The following ZNF682 variants were observed in gnomAD, a reference collection of about 807,000 sequenced individuals.
ZNF682 encodes zinc finger protein 682.
A neutral mutation model predicts 36.5 loss-of-function variants in ZNF682; 29 were observed. That is an observed-to-expected ratio of 0.80 (90% CI 0.59 to 1.08). The LOEUF is 1.08. ZNF682 is among the 50% of genes least tolerant of loss of function. The pLI is 0.00. For missense variants in ZNF682, 561 were observed against 579.7 expected (o/e 0.97, Z 0.33); for synonymous variants, 180 against 197.0 (o/e 0.91, Z 0.72).
chr19:19,995,560 C>G (rs2088124723), downstream of ZNF682, among the ~76,000 whole-genome samples: 1 of 152,148 alleles, frequency 6.6e-6, no homozygotes, highest in Admixed American at 6.5e-5. Context: ...TTCTCTGAAA[C>G]AGCGCGGGAT....
rs1191419639 is a variant in ZNF682 at position 20,006,425 on chromosome 19, A to T, written c.1077T>A (p.His359Gln). The T allele has an allele frequency of 6.2e-7, 1 of 1,613,740 alleles. No homozygotes were observed. The highest frequency in any genetic ancestry group is 8.5e-7 in the Non-Finnish European group (1 of 1,179,936). ...GTTTCTCTCCGCTATGAATTACCTT[A>T]TGTTCAGTAAGAATTGATGATGAGT... ...AFNSSSILTE[H>Q]KVIHSGEKPY... is the part of the protein sequence containing the mutation. The change falls in exon 4 of 4, where the codon CAT becomes CAA. Residue 359 changes from histidine to glutamine, a missense_variant. Coordinates refer to ENST00000397165, the MANE Select transcript of ZNF682 (RefSeq NM_033196.3).
At chr19:19,997,447 C>T (rs557669727) in intron 3 of ZNF682, among the ~76,000 whole-genome samples, 1 of 152,228 alleles carries the variant, frequency 6.6e-6, no homozygotes, top group South Asian at 2.1e-4. Context: ...TCTGAGACTG[C>T]AAAAATGCTT....
intron 3 of ZNF682, among the ~76,000 whole-genome samples, chr19:20,010,629 C>G (rs1347851395): frequency 2.0e-5 from 3 of 151,482 alleles, no homozygotes; most frequent in Non-Finnish European, 4.4e-5. Context: ...TGCACTCCAG[C>G]CCGGGTGACA....
intron 1 of ZNF682, among the ~76,000 whole-genome samples, chr19:20,029,314 G>GA (rs755136535): frequency 5.7e-4 from 86 of 150,864 alleles, no homozygotes; most frequent in Non-Finnish European, 8.7e-4. Flanking sequence ...TAAATGCATG[G>GA]AATAGGCCAG....
In ZNF682 at chr19:20,023,071, A is replaced by G; in HGVS notation, c.159T>C (p.Ile53=). 6.2e-7 allele frequency: 1 copy of G among 1,614,072 alleles called. No homozygotes were observed. The highest frequency in any genetic ancestry group is 8.5e-7 in the Non-Finnish European group (1 of 1,179,950). ...LGLTVSKPEL[I]SRLEQRQEPW... Reference sequence around the variant, plus strand: ...GCTCCTGTCTTTGCTCCAGACGGCTAATCAGTTCTGGCTTAGAAACAGTAA... The same window carrying G: ...GCTCCTGTCTTTGCTCCAGACGGCTGATCAGTTCTGGCTTAGAAACAGTAA... The change falls in exon 3 of 4, where the codon ATT becomes ATC. Residue 53 remains isoleucine (I), a synonymous_variant. Transcript: ENST00000397165.
At chr19:19,998,143 A>G (rs976583167) in intron 3 of ZNF682, among the ~76,000 whole-genome samples, 3 of 152,368 alleles carry the variant, frequency 2.0e-5, no homozygotes, top group African/African-American at 7.2e-5. Context: ...GACCAGTCTG[A>G]GGACAGGTGA....
rs1410537137 is a variant in ZNF682 at position 20,006,057 on chromosome 19, T to C, written c.1445A>G (p.Lys482Arg). 6.2e-7 allele frequency: 1 copy of C among 1,609,704 alleles called. No homozygotes were observed. Among genetic ancestry groups the C allele is most frequent in the East Asian group, 2.2e-5 (1 of 44,768 alleles). Residue 482 changes from lysine to arginine, a missense_variant, in exon 4 of 4, where the codon AAG becomes AGG. Physicochemically the swap from Lys to Arg is conservative, Grantham distance 26. Coordinates refer to ENST00000397165, the MANE Select transcript of ZNF682 (RefSeq NM_033196.3). The part of the protein sequence containing the change: ...KRVQRGEKSC[K>R]YKKCGEAFNH... ...AAAAGCTTCCCCACATTTTTTATAC[T>C]TGCAGGATTTCTCTCCTCTTTGAAC...
chr19:20,014,326 A>C (rs1318179478), intron 3 of ZNF682, among the ~76,000 whole-genome samples: 1 of 152,236 alleles, frequency 6.6e-6, no homozygotes, highest in East Asian at 1.9e-4. Flanking sequence ...TCTTTCATGT[A>C]TATGGTCAAA....
intron 3 of ZNF682, among the ~76,000 whole-genome samples, chr19:20,013,596 T>C (rs2088309054): frequency 6.6e-6 from 1 of 152,266 alleles, no homozygotes; most frequent in Admixed American, 6.5e-5. Flanking sequence ...TTTTTTAATT[T>C]TGAGACTGAG....
At chr19:20,019,105 G>A (rs1568542430) in intron 3 of ZNF682, among the ~76,000 whole-genome samples, 1 of 152,058 alleles carries the variant, frequency 6.6e-6, no homozygotes, top group African/African-American at 2.4e-5. Flanking sequence ...ACATCTCTCC[G>A]AAGAAGTTAC....
At chr19:20,032,549 C>T (rs1203870842) in intron 1 of ZNF682, among the ~76,000 whole-genome samples, 1 of 152,138 alleles carries the variant, frequency 6.6e-6, no homozygotes, top group Non-Finnish European at 1.5e-5. Context: ...GAAAGACCCT[C>T]TAGGGTGAAG....
rs772386581 is a variant in ZNF682 at position 20,006,009 on chromosome 19, G to A, written c.1493C>T (p.Thr498Met). 39 of 1,570,652 alleles carry A rather than the reference G, an allele frequency of 2.5e-5. No individual in the cohort carries two copies. Among genetic ancestry groups the A allele is most frequent in the Non-Finnish European group, 3.2e-5 (37 of 1,158,930 alleles). The change falls in exon 4 of 4, where the codon ACG (threonine) becomes ATG (methionine). Residue 498 changes from threonine (T) to methionine (M), a missense_variant. Thr to Met is a moderately conservative substitution (Grantham distance 81). Transcript: ENST00000397165. Reference protein sequence around the residue: ...EAFNHCSNLTT With the variant: ...EAFNHCSNLTM ...ATTTCTCTTTAGTAAAAATTCTTAC[G>A]TAGTAAGGTTTGAGCAGTGATTAAA...
chr19:20,029,623 A>C (rs1267935319), intron 1 of ZNF682, among the ~76,000 whole-genome samples: 2 of 151,850 alleles, frequency 1.3e-5, no homozygotes, highest in Non-Finnish European at 2.9e-5. Context: ...AAAATTAAAA[A>C]AAATAAAAAA....
chr19:19,997,340 TA>T (rs1268739321), intron 3 of ZNF682: 1 of 398,260 alleles, frequency 2.5e-6, no homozygotes, highest in Non-Finnish European at 4.4e-6. Context: ...TCATACCTCA[TA>T]AATAAGAGTA....
chr19:20,039,189 G>C (rs967829727), intron 1 of ZNF682, 154 bp downstream of exon 1: 33 of 1,418,116 alleles, frequency 2.3e-5, no homozygotes, highest in Non-Finnish European at 3.1e-5. Context: ...TCCTGTGCCC[G>C]GAGGTGATCG....
chr19:20,018,078 C>CTTTTTTTTTT (rs71172554), intron 3 of ZNF682, among the ~76,000 whole-genome samples: 7 of 58,678 alleles, frequency 1.2e-4, no homozygotes, highest in African/African-American at 2.2e-4. Context: ...TTCTCAAATT[C>CTTTTTTTTTT]TTTTTTTTTT....
At chr19:20,025,405 C>T (rs1020358203) in intron 1 of ZNF682, among the ~76,000 whole-genome samples, 5 of 152,164 alleles carry the variant, frequency 3.3e-5, no homozygotes, top group Non-Finnish European at 4.4e-5. Flanking sequence ...GGGCCAGGCG[C>T]GGTGGCTCAC....
At chr19:19,995,474 A>T (rs1407850247), downstream of ZNF682, among the ~76,000 whole-genome samples, 1 of 152,222 alleles carries the variant, frequency 6.6e-6, no homozygotes. Flanking sequence ...CAAGGAACGC[A>T]AAAAGGTCAA....
Position 20,006,365 on chromosome 19 carries a change from C to A in ZNF682, c.1137G>T (p.Lys379Asn), listed in dbSNP as rs773044476. ...YKCEKCDKVF[K>N]RFSYLTKHKR... ...TGTGTTTAGTAAGGTATGAGAACCT[C>A]TTAAAGACTTTGTCACATTTTTCAC... is the stretch of plus-strand genomic sequence containing the variant. Residue 379 changes from lysine to asparagine, a missense_variant, in exon 4 of 4, where the codon AAG (lysine) becomes AAT (asparagine). Lys to Asn is a moderately conservative substitution (Grantham distance 94, BLOSUM62 0). Transcript: ENST00000397165. The A allele has an allele frequency of 5.0e-6, 8 of 1,611,954 alleles. No homozygotes were observed. The highest frequency in any genetic ancestry group is 6.8e-6 in the Non-Finnish European group (8 of 1,179,646).
Sources: gnomAD v4.1 joint callset for allele counts (sites outside exome capture counted in the v4.1 genomes callset) on GRCh38, gnomAD v4.1.1 for gene constraint, MANE v1.5 for transcripts, NCBI Gene and HGNC (gene_info 2026-07-23, HGNC 2026-07-21) for gene names.